Variants in PHKB observed in about 807,000 individuals in gnomAD.
PHKB encodes phosphorylase b kinase regulatory subunit beta.
A neutral mutation model predicts 152.1 loss-of-function variants in PHKB; 122 were observed. The ratio of observed to expected loss-of-function variants is 0.80; its 90% confidence interval spans 0.69 to 0.93. PHKB has a LOEUF of 0.93. PHKB is among the 40% of genes least tolerant of loss of function. The pLI, the probability that PHKB is intolerant of heterozygous loss-of-function variation, is 0.00. For synonymous variants in PHKB, 436 were observed against 464.9 expected, an observed-to-expected ratio of 0.94 and a Z score of 0.80; for missense variants, 1,304 against 1,328.4, an observed-to-expected ratio of 0.98 and a Z score of 0.29.
intron 7 of PHKB, among the ~76,000 whole-genome samples, chr16:47,564,027 A>G (rs1422094099): frequency 1.3e-5 from 2 of 148,244 alleles, no homozygotes; most frequent in Non-Finnish European, 3.0e-5. Flanking sequence ...CTGAGTAGCA[A>G]TCCATGGTGT....
intron 14 of PHKB, among the ~76,000 whole-genome samples, chr16:47,639,851 A>G (rs1190039909): frequency 6.6e-6 from 1 of 152,170 alleles, no homozygotes; most frequent in African/African-American, 2.4e-5. Context: ...ATCTCATCCA[A>G]GAGAAATAGG....
chr16:47,612,699 C>T (rs1399124711), intron 14 of PHKB, among the ~76,000 whole-genome samples: 4 of 152,096 alleles, frequency 2.6e-5, no homozygotes, highest in Non-Finnish European at 4.4e-5. Flanking sequence ...ATACAGTTTC[C>T]GAGAGGGAGG....
intron 6 of PHKB, among the ~76,000 whole-genome samples, chr16:47,527,161 C>A (rs763817201): frequency 5.9e-5 from 9 of 152,216 alleles, no homozygotes; most frequent in Non-Finnish European, 1.2e-4. Context: ...CTGGGAATTA[C>A]AATTCAACAT....
intron 7 of PHKB, chr16:47,561,601 A>G (rs2151681968): frequency 6.6e-6 from 1 of 152,306 alleles, no homozygotes; most frequent in East Asian, 1.9e-4. Context: ...TTGATAAATT[A>G]TAAGCTTTTA....
chr16:47,660,591 T>C, intron 21 of PHKB, 24 bp downstream of exon 21: 1 of 1,611,864 alleles, frequency 6.2e-7, no homozygotes, highest in Non-Finnish European at 8.5e-7. Context: ...GGTTATTTCA[T>C]TTTTGGGTTT....
At chr16:47,626,092 G>T (rs1972704650) in intron 14 of PHKB, among the ~76,000 whole-genome samples, 1 of 152,198 alleles carries the variant, frequency 6.6e-6, no homozygotes, top group Non-Finnish European at 1.5e-5. Context: ...ACTCTCAAGG[G>T]TTCCTCACTA....
chr16:47,546,904 G>A (rs758023264), intron 6 of PHKB, among the ~76,000 whole-genome samples: 4 of 152,240 alleles, frequency 2.6e-5, no homozygotes, highest in African/African-American at 9.6e-5. Flanking sequence ...CATGGGACCC[G>A]CTGAGCAAGG....
At chr16:47,477,988 A>C (rs1263882416) in intron 1 of PHKB, among the ~76,000 whole-genome samples, 3 of 152,144 alleles carry the variant, frequency 2.0e-5, no homozygotes, top group Admixed American at 2.0e-4. Context: ...AGAAAGAGAA[A>C]ATTATATACT....
At chr16:47,565,700 G>A (rs568794352) in intron 7 of PHKB, 136 of 1,431,640 alleles carry the variant, frequency 9.5e-5, no homozygotes, top group Middle Eastern at 7.3e-4. Context: ...GCCAGTTTGG[G>A]TGTCTCTCCC....
At chr16:47,621,632 G>A (rs1972619165) in intron 14 of PHKB, among the ~76,000 whole-genome samples, 1 of 152,124 alleles carries the variant, frequency 6.6e-6, no homozygotes, top group South Asian at 2.1e-4. Context: ...AAGAAATAAA[G>A]CGTTTGTGTG....
intron 6 of PHKB, among the ~76,000 whole-genome samples, chr16:47,532,512 G>T (rs1970878848): frequency 6.6e-6 from 1 of 152,238 alleles, no homozygotes; most frequent in Non-Finnish European, 1.5e-5. Context: ...ATGTGGAGTG[G>T]TGAGGGGTGT....
chr16:47,663,524 G>C (rs548417443), intron 23 of PHKB, among the ~76,000 whole-genome samples, 153 bp from the exon 24 acceptor site: 4 of 152,080 alleles, frequency 2.6e-5, no homozygotes, highest in African/African-American at 9.7e-5. Flanking sequence ...ATATATTTGA[G>C]TTACATATTT....
intron 1 of PHKB, among the ~76,000 whole-genome samples, chr16:47,476,736 C>G (rs1969875197): frequency 1.3e-5 from 2 of 151,988 alleles, no homozygotes; most frequent in African/African-American, 2.4e-5. Context: ...AATTCAAGGC[C>G]CTAGAATGAT....
chr16:47,614,143 G>T (rs996262331), intron 14 of PHKB, among the ~76,000 whole-genome samples: 6 of 152,236 alleles, frequency 3.9e-5, no homozygotes, highest in Non-Finnish European at 7.3e-5. Context: ...CATGGAGGAA[G>T]GCAAAGCAGG....
intron 8 of PHKB, among the ~76,000 whole-genome samples, chr16:47,582,798 T>C (rs1454055764): frequency 2.0e-5 from 3 of 152,228 alleles, no homozygotes; most frequent in Non-Finnish European, 2.9e-5. Flanking sequence ...CTTCTTTCTT[T>C]CTTTCTTTCT....
intron 14 of PHKB, among the ~76,000 whole-genome samples, chr16:47,632,370 C>T (rs180975583): frequency 2.7e-4 from 41 of 152,112 alleles, no homozygotes; most frequent in Non-Finnish European, 4.6e-4. Context: ...GGTACATCTA[C>T]AAAATGGAAT....
chr16:47,674,271 AT>A (rs1195612179), intron 26 of PHKB, among the ~76,000 whole-genome samples: 1 of 151,974 alleles, frequency 6.6e-6, no homozygotes, highest in African/African-American at 2.4e-5. Flanking sequence ...AATAAATGAG[AT>A]TTTGCACCTT....
chr16:47,485,002 A>G (rs916727887), intron 1 of PHKB, among the ~76,000 whole-genome samples: 1 of 152,210 alleles, frequency 6.6e-6, no homozygotes, highest in African/African-American at 2.4e-5. Context: ...ATATGCATGT[A>G]CATTTCAAAT....
At chr16:47,539,739 G>C (rs909915064) in intron 6 of PHKB, among the ~76,000 whole-genome samples, 1 of 152,054 alleles carries the variant, frequency 6.6e-6, no homozygotes, top group Non-Finnish European at 1.5e-5. Flanking sequence ...GATTTCATGG[G>C]CATTTATCAC....
Sources: gnomAD v4.1 joint callset for allele counts (sites outside exome capture counted in the v4.1 genomes callset) on GRCh38, gnomAD v4.1.1 for gene constraint, MANE v1.5 for transcripts, NCBI Gene and HGNC (gene_info 2026-07-23, HGNC 2026-07-21) for gene names.